Variants in SZRD1 observed in about 807,000 individuals in gnomAD.
SZRD1 encodes the protein SUZ RNA binding domain containing 1, also known as SUZ RNA-binding domain-containing.
In SZRD1, 7 loss-of-function variants were observed where a neutral mutation model predicts 17.6. The ratio of observed to expected loss-of-function variants is 0.40; its 90% CI spans 0.23 to 0.75. The LOEUF (loss-of-function observed/expected upper bound fraction) is 0.75. SZRD1 is among the 30% of genes least tolerant of loss of function. The pLI, the probability that SZRD1 is intolerant of heterozygous loss-of-function variation, is 0.38. For missense variants in SZRD1, 178 were observed against 201.8 expected (o/e 0.88, Z 0.71); for synonymous variants, 77 against 77.9 (o/e 0.99, Z 0.06).
chr1:16,383,909 C>CG lies in SZRD1; in HGVS notation c.52-7464dup, dbSNP rs529261695. Among the ~76,000 whole-genome samples, 314 of 152,298 alleles carry CG rather than the reference C, an allele frequency of 2.1e-3. 1 individual carries two copies. The highest frequency in any genetic ancestry group is 7.2e-3 in the African/African-American group (300 of 41,580). ...CTGGGATTACAGGCGTGAGCCACCGCGGCTGGCCAGTTTTAATATTTTTAA... is the reference window on the plus strand; with the variant it reads ...CTGGGATTACAGGCGTGAGCCACCGCGGGCTGGCCAGTTTTAATATTTTTAA... On this transcript the variant is annotated intron_variant, in intron 1 of 3. Coordinates refer to ENST00000401088, the MANE Select transcript of SZRD1 (RefSeq NM_001114600.3).
At chr1:16,389,065 G>GAGA (rs989651232) in intron 1 of SZRD1, among the ~76,000 whole-genome samples, 3 of 148,208 alleles carry the variant, frequency 2.0e-5, no homozygotes, top group Non-Finnish European at 4.5e-5. Flanking sequence ...CCATCAACTG[G>GAGA]AGAATAGTTA....
In SZRD1 at chr1:16,393,603, G is replaced by C; in HGVS notation, c.356+121G>C. On this transcript the variant is annotated intron_variant, in intron 3 of 3. Transcript: ENST00000401088. This position sits in a 1 kb window ranked among gnomAD's most constrained non-coding sequence, Gnocchi z 5.6. ...GCAGAGTCAGGGTAGGAACCATGCA[G>C]CTCCACTTGCTGATCCCAGCCTGCT... 2 of 1,095,080 alleles carry C rather than the reference G, an allele frequency of 1.8e-6. No individual in the cohort carries two copies. The highest frequency in any genetic ancestry group is 2.6e-6 in the Non-Finnish European group (2 of 776,442). 67.8% of individuals were successfully genotyped at this position (1,095,080 alleles called of 1,614,324 possible).
chr1:16,387,368 C>G (rs2085143316), intron 1 of SZRD1: 4 of 453,850 alleles, frequency 8.8e-6, no homozygotes, highest in South Asian at 1.6e-5. Flanking sequence ...CAAATTCACT[C>G]TAATGTGTGA....
chr1:16,386,454 T>C (rs889857747), intron 1 of SZRD1, among the ~76,000 whole-genome samples: 1 of 152,210 alleles, frequency 6.6e-6, no homozygotes, highest in Non-Finnish European at 1.5e-5. Context: ...CTGGGGGAGA[T>C]GCACATTTTC....
intron 3 of SZRD1, among the ~76,000 whole-genome samples, chr1:16,394,614 A>G (rs1474465039): frequency 2.6e-5 from 4 of 152,196 alleles, no homozygotes; most frequent in Non-Finnish European, 5.9e-5. Flanking sequence ...TTCCCAAAGA[A>G]GCAGGCTTGC....
chr1:16,367,295 C>G lies in SZRD1; in HGVS notation c.38C>G (p.Ala13Gly). 5.2e-6 allele frequency: 8 copies of G among 1,548,726 alleles called. No homozygotes were observed. The highest frequency in any genetic ancestry group is 7.0e-6 in the Non-Finnish European group (8 of 1,146,526). Residue 13 changes from alanine (A) to glycine (G), a missense_variant, in exon 1 of 4, where the codon GCG becomes GGG. Ala to Gly is a moderately conservative substitution (Grantham distance 60). Coordinates refer to ENST00000401088, the MANE Select transcript of SZRD1 (RefSeq NM_001114600.3). ...DEEVAESWEE[A>G]ADSGEIDRRL... ...GAGGTCGCTGAGAGCTGGGAAGAGGCGGCAGACAGCGGGGTAAGGAGGAGC... is the reference window on the plus strand; with the variant it reads ...GAGGTCGCTGAGAGCTGGGAAGAGGGGGCAGACAGCGGGGTAAGGAGGAGC...
chr1:16,393,102 G>T lies in SZRD1; in HGVS notation c.102-126G>T. 7.5e-7 allele frequency: 1 copy of T among 1,332,256 alleles called. No individual in the cohort carries two copies. The highest frequency in any genetic ancestry group is 1.0e-6 in the Non-Finnish European group (1 of 955,704). 82.5% of individuals were successfully genotyped at this position (1,332,256 alleles called of 1,614,324 possible). A position where few individuals can be genotyped will look rare whatever the true frequency, so the allele number is the denominator to read the frequency against. On this transcript the variant is annotated intron_variant, in intron 2 of 3. Coordinates refer to ENST00000401088, the MANE Select transcript of SZRD1 (RefSeq NM_001114600.3). The surrounding 1 kb of genome is among the most constrained non-coding windows in gnomAD (Gnocchi z 5.6). The stretch of plus-strand genomic sequence containing the variant: ...TGGAAATTTTGCTGTCTGGTCAGAG[G>T]CCAGAGAATCATGCATGGGTAGAAT...
rs1159967607 is a variant in SZRD1, at chr1:16,371,464, CT to C, written c.51+4168del. Among the ~76,000 whole-genome samples, 301 of 133,090 alleles carry C rather than the reference CT, an allele frequency of 2.3e-3. 1 individual carries two copies. Among genetic ancestry groups the C allele is most frequent in the South Asian group, 4.7e-3 (20 of 4,234 alleles). 87.3% of individuals were successfully genotyped at this position (133,090 alleles called of 152,430 possible). A position where few individuals can be genotyped will look rare whatever the true frequency, so the allele number is the denominator to read the frequency against. On this transcript the variant is annotated intron_variant, in intron 1 of 3. Transcript: ENST00000401088. ...CTTTTTTTTCCTTTTTTTTTTTCCC[CT>C]TTTTTTTTTTTCCCGAGATGGAGTC... is the stretch of plus-strand genomic sequence containing the variant.
intron 1 of SZRD1, 97 bp downstream of exon 1, chr1:16,367,405 G>A (rs1225136951): frequency 2.4e-6 from 3 of 1,241,980 alleles, no homozygotes; most frequent in Non-Finnish European, 2.2e-6. Context: ...CCCCAAGGAA[G>A]GGCCCCATAC....
intron 1 of SZRD1, among the ~76,000 whole-genome samples, chr1:16,389,411 T>C (rs1463704538): frequency 2.0e-5 from 3 of 150,112 alleles, no homozygotes; most frequent in Non-Finnish European, 4.4e-5. Context: ...ACTACAGGCG[T>C]CCTGCCTCAG....
chr1:16,395,989 AAAGTGAACCG>A lies in SZRD1; in HGVS notation c.*851_*860del. ...ACCTCTAGTATTTTGGGAGATAGGG[AAAGTGAACCG>A]ACTTCCCCTTCCCATACCCCTCAGG... On this transcript the variant is annotated 3_prime_UTR_variant, in exon 4 of 4. Transcript: ENST00000401088. 1 of 152,652 alleles carries A rather than the reference AAAGTGAACCG, an allele frequency of 6.6e-6. No individual in the cohort carries two copies. The highest frequency in any genetic ancestry group is 6.5e-5 in the Admixed American group (1 of 15,272). The allele number at this position is 152,652 out of a possible 1,614,324, so 9.5% of individuals were successfully genotyped here.
At chr1:16,388,275 T>C (rs2085161316) in intron 1 of SZRD1, among the ~76,000 whole-genome samples, 1 of 152,116 alleles carries the variant, frequency 6.6e-6, no homozygotes, top group Non-Finnish European at 1.5e-5. Context: ...AATTTTTGTA[T>C]TTTTAGTAGA....
intron 1 of SZRD1, among the ~76,000 whole-genome samples, chr1:16,374,988 C>T (rs970635342): frequency 2.0e-5 from 3 of 151,466 alleles, no homozygotes; most frequent in African/African-American, 7.3e-5. Flanking sequence ...AGCGATTCTC[C>T]TGCCTCAGCC....
chr1:16,388,292 G>A (rs936311994), intron 1 of SZRD1, among the ~76,000 whole-genome samples: 1 of 152,084 alleles, frequency 6.6e-6, no homozygotes, highest in Non-Finnish European at 1.5e-5. Flanking sequence ...TAGAGACGGG[G>A]TTTCACCTTG....
intron 1 of SZRD1, among the ~76,000 whole-genome samples, chr1:16,378,238 C>G (rs2083035383): frequency 6.6e-6 from 1 of 151,392 alleles, no homozygotes; most frequent in Non-Finnish European, 1.5e-5. Flanking sequence ...TACATCTAAA[C>G]TGCTAGGCCT....
chr1:16,396,067 A>T lies in SZRD1; in HGVS notation c.*927A>T, dbSNP rs953314842. 1 of 152,712 alleles carries T rather than the reference A, an allele frequency of 6.5e-6. No homozygotes were observed. Among genetic ancestry groups the T allele is most frequent in the Non-Finnish European group, 1.5e-5 (1 of 68,056 alleles). The allele number at this position is 152,712 out of a possible 1,614,324, so 9.5% of individuals were successfully genotyped here. A position where few individuals can be genotyped will look rare whatever the true frequency, so the allele number is the denominator to read the frequency against. Reference sequence around the variant, plus strand: ...AGGCTTACTACTTCTAGAAGAAAGCAGAGTGCCAGGGAGTGAGATTGCATC... The same window carrying T: ...AGGCTTACTACTTCTAGAAGAAAGCTGAGTGCCAGGGAGTGAGATTGCATC... On this transcript the variant is annotated 3_prime_UTR_variant, in exon 4 of 4. Transcript: ENST00000401088.
intron 1 of SZRD1, among the ~76,000 whole-genome samples, chr1:16,370,144 C>CT (rs1452646231): frequency 6.6e-6 from 1 of 151,748 alleles, no homozygotes; most frequent in Admixed American, 6.6e-5. Context: ...CAAGGCTGGG[C>CT]TTTTTTTCTC....
In SZRD1 at chr1:16,391,239, C is replaced by T; in HGVS notation, c.52-136C>T. The T allele has an allele frequency of 1.5e-6, 1 of 678,662 alleles. No individual in the cohort carries two copies. The highest frequency in any genetic ancestry group is 2.8e-5 in the Admixed American group (1 of 35,712). The allele number at this position is 678,662 out of a possible 1,614,324, so 42.0% of individuals were successfully genotyped here. The stretch of plus-strand genomic sequence containing the variant: ...AGGTCCCCAAACCCCAAAATCTAGT[C>T]CACATTTGTTATGTTGAAGGACACA... On this transcript the variant is annotated intron_variant, in intron 1 of 3. Coordinates refer to ENST00000401088, the MANE Select transcript of SZRD1 (RefSeq NM_001114600.3). This position sits in a 1 kb window ranked among gnomAD's most constrained non-coding sequence, Gnocchi z 4.3.
At chr1:16,381,698 G>A (rs898399440) in intron 1 of SZRD1, among the ~76,000 whole-genome samples, 1 of 152,140 alleles carries the variant, frequency 6.6e-6, no homozygotes, top group African/African-American at 2.4e-5. Flanking sequence ...TTGGGAGGCT[G>A]AAGCAGGCGG....
Sources: gnomAD v4.1 joint callset for allele counts (sites outside exome capture counted in the v4.1 genomes callset) on GRCh38, gnomAD v4.1.1 for gene constraint, Gnocchi (gnomAD v3.1) non-coding constraint, MANE v1.5 for transcripts, NCBI Gene and HGNC (gene_info 2026-07-23, HGNC 2026-07-21) for gene names.